The following TACC2 variants were observed in gnomAD, a reference collection of about 807,000 sequenced individuals.
The protein encoded by TACC2 is transforming acidic coiled-coil containing protein 2.
A neutral mutation model predicts 227.3 loss-of-function variants in TACC2; 137 were observed. That is an observed-to-expected ratio of 0.60 (90% CI 0.52 to 0.69). The LOEUF is 0.69. Among genes scored for constraint, TACC2 ranks in the 30% least tolerant of loss-of-function variants. The pLI, the probability that TACC2 is intolerant of heterozygous loss-of-function variation, is 0.00. For synonymous variants in TACC2, 1,523 were observed against 1,487.5 expected, an observed-to-expected ratio of 1.02 and a Z score of -0.55; for missense variants, 3,470 against 3,694.4, an observed-to-expected ratio of 0.94 and a Z score of 1.57.
chr10:122,048,410 TCCC>T (rs1450688654), intron 2 of TACC2, among the ~76,000 whole-genome samples: 18 of 118,608 alleles, frequency 1.5e-4, no homozygotes, highest in African/African-American at 4.5e-4. Context: ...CCTTCCTCCC[TCCC>T]TCCCTTCCTT....
intron 3 of TACC2, among the ~76,000 whole-genome samples, chr10:122,080,034 C>T (rs2461224): frequency 0.41 from 62,123 of 151,986 alleles, 13,961 homozygotes; most frequent in Non-Finnish European, 0.5. Context: ...ACTTGAGTGA[C>T]TTAAAATACA....
intron 14 of TACC2, among the ~76,000 whole-genome samples, chr10:122,228,893 T>A (rs2095678923): frequency 6.6e-6 from 1 of 152,186 alleles, no homozygotes. Flanking sequence ...GAAGTCTTTC[T>A]GATCTATCAG....
intron 5 of TACC2, among the ~76,000 whole-genome samples, chr10:122,112,149 CT>C (rs2083723071): frequency 6.6e-6 from 1 of 152,100 alleles, no homozygotes; most frequent in Non-Finnish European, 1.5e-5. Flanking sequence ...TATAGCAGTG[CT>C]TTCTGTGACA....
Position 122,088,563 on chromosome 10 carries a change from G to A in TACC2, c.5545G>A (p.Glu1849Lys), listed in dbSNP as rs2080345212. The change falls in exon 5 of 23, where the codon GAG becomes AAG. Residue 1849 changes from glutamate to lysine, a missense_variant. Glu to Lys is a moderately conservative substitution (Grantham distance 56). Coordinates refer to ENST00000369005, the MANE Select transcript of TACC2 (RefSeq NM_206862.4). The part of the protein sequence containing the change: ...PRVMDKVTSD[E>K]TRGAEGTESS... The stretch of plus-strand genomic sequence containing the variant: ...AGTCATGGATAAAGTCACTTCAGAT[G>A]AGACCAGAGGTGCGGAAGGAACAGA... 6.2e-7 allele frequency: 1 copy of A among 1,613,556 alleles called. No homozygotes were observed. The highest frequency in any genetic ancestry group is 1.7e-5 in the Admixed American group (1 of 59,922).
In TACC2 at chr10:122,211,016, G is replaced by A. The variant is rs761359884; in HGVS notation, c.6591G>A (p.Val2197=). The part of the protein sequence containing the change: ...LLEETPLEPA[V]GPKAACPLDS... ...AGGAGACGCCCCTTGAGCCCGCTGT[G>A]GGGCCCAAAGCTGCCTGCCCTCTGG... The change falls in exon 9 of 23, where the codon GTG becomes GTA. Residue 2197 remains valine (V), a synonymous_variant. Coordinates refer to ENST00000369005, the MANE Select transcript of TACC2 (RefSeq NM_206862.4). 10 of 1,611,758 alleles carry A rather than the reference G, an allele frequency of 6.2e-6. No individual in the cohort carries two copies. The South Asian group carries it at 9.9e-5, about 16-fold the overall frequency.
At chr10:122,139,631 A>ATC (rs140220973) in intron 6 of TACC2, among the ~76,000 whole-genome samples, 143 of 152,356 alleles carry the variant, frequency 9.4e-4, no homozygotes, top group Admixed American at 1.8e-3. Context: ...TGCACTTTGC[A>ATC]TCTCACCTTC....
intron 18 of TACC2, among the ~76,000 whole-genome samples, chr10:122,240,173 A>G (rs1247580351): frequency 6.6e-6 from 1 of 152,224 alleles, no homozygotes; most frequent in Non-Finnish European, 1.5e-5. Flanking sequence ...AGGTATTTTC[A>G]GGTCCCCGGT....
At chr10:122,189,167 G>T (rs974668409) in intron 7 of TACC2, among the ~76,000 whole-genome samples, 6 of 152,174 alleles carry the variant, frequency 3.9e-5, no homozygotes, top group Non-Finnish European at 5.9e-5. Flanking sequence ...CGAGGTGTGT[G>T]TGTGTGCAGA....
chr10:122,034,053 G>A (rs1959334643), intron 2 of TACC2, among the ~76,000 whole-genome samples: 1 of 151,328 alleles, frequency 6.6e-6, no homozygotes, highest in South Asian at 2.1e-4. Flanking sequence ...TCAGGAGGCT[G>A]AGGCTGGAGA....
At chr10:122,128,497 T>A (rs1378522563) in intron 5 of TACC2, among the ~76,000 whole-genome samples, 1 of 152,198 alleles carries the variant, frequency 6.6e-6, no homozygotes. Context: ...GGGACCTCAT[T>A]TTCCAGTGGT....
intron 1 of TACC2, among the ~76,000 whole-genome samples, chr10:121,994,342 A>G (rs1037594819): frequency 2.0e-5 from 3 of 152,216 alleles, no homozygotes; most frequent in Admixed American, 6.5e-5. Context: ...CCAAAATATA[A>G]GTCAAGTAAA....
chr10:122,045,529 A>T (rs776424132), intron 2 of TACC2, among the ~76,000 whole-genome samples: 8 of 152,248 alleles, frequency 5.3e-5, no homozygotes, highest in Non-Finnish European at 1.0e-4. Flanking sequence ...AAAGAGCAGT[A>T]CTAGACACAC....
chr10:122,030,441 T>C (rs1182952044), intron 2 of TACC2, among the ~76,000 whole-genome samples: 8 of 152,166 alleles, frequency 5.3e-5, no homozygotes, highest in East Asian at 1.9e-4. Context: ...CACCAGGGCA[T>C]GAAAGCCTGT....
In TACC2 at chr10:122,199,209, C is replaced by T. The variant is rs1001859689; in HGVS notation, c.5971+4033C>T. 9.9e-5 allele frequency among the ~76,000 whole-genome samples: 15 copies of T among 152,078 alleles called. No homozygotes were observed. In the South Asian group the frequency reaches 2.9e-3, roughly 29 times the overall value. On this transcript the variant is annotated intron_variant, in intron 8 of 22. Coordinates refer to ENST00000369005, the MANE Select transcript of TACC2 (RefSeq NM_206862.4). ...GATTGTGGCACTGCACCTGGGGGCC[C>T]GAGCCATTGAGCCAAGGGTATACAG...
chr10:122,236,021 G>T (rs1356594747), intron 16 of TACC2, among the ~76,000 whole-genome samples: 1 of 152,150 alleles, frequency 6.6e-6, no homozygotes, highest in African/African-American at 2.4e-5. Flanking sequence ...CACCCTGCAT[G>T]TATACAGCTA....
Position 122,217,662 on chromosome 10 carries a change from A to G in TACC2, c.7546+834A>G, listed in dbSNP as rs150482551. Among the ~76,000 whole-genome samples the G allele has an allele frequency of 7.4e-3, 1,116 of 151,434 alleles. 18 individuals are homozygous for G. The highest frequency in any genetic ancestry group is 0.026 in the African/African-American group (1,067 of 41,292). Reference sequence around the variant, plus strand: ...ACCATGTTAGCTGGGCTGGTCTCTAACTCCTGACCTCAGGTGATCTGCCTG... The same window carrying G: ...ACCATGTTAGCTGGGCTGGTCTCTAGCTCCTGACCTCAGGTGATCTGCCTG... On this transcript the variant is annotated intron_variant, in intron 11 of 22. Coordinates refer to ENST00000369005, the MANE Select transcript of TACC2 (RefSeq NM_206862.4).
intron 1 of TACC2, among the ~76,000 whole-genome samples, chr10:122,005,228 T>C (rs946146793): frequency 6.6e-6 from 1 of 151,386 alleles, no homozygotes; most frequent in Non-Finnish European, 1.5e-5. Context: ...ATTACAGGCA[T>C]CCACCACCAT....
At chr10:122,228,329 C>G (rs373108301) in intron 14 of TACC2, among the ~76,000 whole-genome samples, 1 of 152,220 alleles carries the variant, frequency 6.6e-6, no homozygotes, top group African/African-American at 2.4e-5. Context: ...TCTGCCGCTT[C>G]GTCCTTGATG....
intron 7 of TACC2, among the ~76,000 whole-genome samples, chr10:122,179,543 A>G (rs1273086477): frequency 1.3e-5 from 2 of 152,154 alleles, no homozygotes; most frequent in Non-Finnish European, 2.9e-5. Flanking sequence ...TTTATGTGTG[A>G]CACAAACCCG....
Sources: allele counts gnomAD v4.1 joint callset (sites outside exome capture counted in the v4.1 genomes callset), GRCh38; gene constraint gnomAD v4.1.1; transcripts MANE v1.5; gene names NCBI Gene and HGNC (gene_info 2026-07-23, HGNC 2026-07-21).